Variants in MIA3 observed in about 807,000 individuals in gnomAD.
MIA3 encodes the protein transport and Golgi organization protein 1 homolog.
MIA3 carries 90 observed loss-of-function variants against 192.4 expected under a neutral mutation model. That is an observed-to-expected ratio of 0.47 (90% CI 0.39 to 0.56). MIA3 has a LOEUF of 0.56. Ranked by LOEUF, MIA3 falls within the 20% of genes least tolerant of loss-of-function variation. The probability of loss-of-function intolerance (pLI) is 0.00; values close to 1 mark genes in which losing one functional copy is unlikely to be tolerated. For missense variants in MIA3, 2,123 were observed against 2,269.4 expected, an observed-to-expected ratio of 0.94 and a Z score of 1.31; for synonymous variants, 740 against 792.8, an observed-to-expected ratio of 0.93 and a Z score of 1.12.
chr1:222,644,400 G>A, intron 6 of MIA3: 1 of 1,539,942 alleles, frequency 6.5e-7, no homozygotes, highest in Non-Finnish European at 8.8e-7. Context: ...CCTTTCCGGA[G>A]GAGGAAGCTC....
Position 222,618,180 on chromosome 1 carries a change from C to T in MIA3, c.70C>T (p.Leu24=). The T allele has an allele frequency of 6.7e-7, 1 of 1,503,026 alleles. No homozygotes were observed. 93.1% of individuals were successfully genotyped at this position (1,503,026 alleles called of 1,614,324 possible). A position where few individuals can be genotyped will look rare whatever the true frequency, so the allele number is the denominator to read the frequency against. ...GCTGCCCTGGCGGGTGCCGGGCCAGCTGGACCCCAGCACTGGCCGGCGGTT... is the reference window on the plus strand; with the variant it reads ...GCTGCCCTGGCGGGTGCCGGGCCAGTTGGACCCCAGCACTGGCCGGCGGTT... ...LRLPWRVPGQ[L]DPSTGRRFSE... Residue 24 remains leucine, a synonymous_variant, in exon 1 of 28, where the codon CTG becomes TTG. Transcript: ENST00000344922.
rs1664363256 is a variant in MIA3, at chr1:222,667,944, A to ACTT, written c.*2327_*2329dup. 1 of 152,220 alleles carries ACTT rather than the reference A, an allele frequency of 6.6e-6. No individual in the cohort carries two copies. Among genetic ancestry groups the ACTT allele is most frequent in the African/African-American group, 2.4e-5 (1 of 41,446 alleles). 9.4% of individuals were successfully genotyped at this position (152,220 alleles called of 1,614,324 possible). ...GTGGGATGTGGTATATTCTGTGTCAACTTCAAGATAATCACTCATTTTCTC... is the reference window on the plus strand; with the variant it reads ...GTGGGATGTGGTATATTCTGTGTCAACTTCTTCAAGATAATCACTCATTTTCTC... On this transcript the variant is annotated 3_prime_UTR_variant, in exon 28 of 28. Coordinates refer to ENST00000344922, the MANE Select transcript of MIA3 (RefSeq NM_198551.4).
chr1:222,632,660 C>T (rs1261367571), intron 5 of MIA3, among the ~76,000 whole-genome samples: 1 of 152,228 alleles, frequency 6.6e-6, no homozygotes, highest in Non-Finnish European at 1.5e-5. Flanking sequence ...GTGGAACCGG[C>T]AATCTGTGTT....
chr1:222,630,132 T>G lies in MIA3; in HGVS notation c.2912T>G (p.Met971Arg). Residue 971 changes from methionine to arginine, a missense_variant, in exon 4 of 28, where the codon ATG becomes AGG. By Grantham distance (91) the Met-to-Arg change is moderately conservative (BLOSUM62 -1). This residue lies in a region of MIA3 where 1,357 missense variants were observed against 1,396.1 expected (regional missense o/e 0.97). Coordinates refer to ENST00000344922, the MANE Select transcript of MIA3 (RefSeq NM_198551.4). ...CAGCAGGAGAGCCTGCCCTATAATA[T>G]GGAAAAAGTCCTAGATAAGGTCTTC... Reference protein sequence around the residue: ...SAQQESLPYNMEKVLDKVFRA... With the variant: ...SAQQESLPYNREKVLDKVFRA... 6.2e-7 allele frequency: 1 copy of G among 1,614,186 alleles called. No homozygotes were observed. Among genetic ancestry groups the G allele is most frequent in the Non-Finnish European group, 8.5e-7 (1 of 1,180,046 alleles).
At chr1:222,644,174 G>A in intron 6 of MIA3, 1 of 652,510 alleles carries the variant, frequency 1.5e-6, no homozygotes, top group Non-Finnish European at 2.1e-6. Flanking sequence ...TTTTTACTGG[G>A]ATTCTTCCGC....
chr1:222,665,863 T>A lies in MIA3; in HGVS notation c.*244T>A. 1 of 373,064 alleles carries A rather than the reference T, an allele frequency of 2.7e-6. No homozygotes were observed. The highest frequency in any genetic ancestry group is 4.7e-6 in the Non-Finnish European group (1 of 211,978). 23.1% of individuals were successfully genotyped at this position (373,064 alleles called of 1,614,324 possible). ...TTTGAAATGTGCAATAAAGAATACC[T>A]GTGTTTTAGCTAATGTAGCATATGT... On this transcript the variant is annotated 3_prime_UTR_variant, in exon 28 of 28. Transcript: ENST00000344922.
At chr1:222,653,394 A>G in intron 15 of MIA3, 55 bp downstream of exon 15, 1 of 1,100,390 alleles carries the variant, frequency 9.1e-7, no homozygotes, top group Non-Finnish European at 1.4e-6. Context: ...CTTTAAGTGC[A>G]CCAGTGCTAC....
intron 2 of MIA3, among the ~76,000 whole-genome samples, chr1:222,622,228 C>T (rs1661903764): frequency 6.6e-6 from 1 of 152,158 alleles, no homozygotes. Context: ...GCTATCAGAC[C>T]TGGCAATCAA....
chr1:222,665,291 A>G lies in MIA3; in HGVS notation c.5414-18A>G, dbSNP rs769269573. On this transcript the variant is annotated intron_variant, in intron 27 of 27. Coordinates refer to ENST00000344922, the MANE Select transcript of MIA3 (RefSeq NM_198551.4). ...ATACGTTCCTAGGAATTTACTGGAAATAATTTTTGTTTTCCAGGCCCTGGT... is the reference window on the plus strand; with the variant it reads ...ATACGTTCCTAGGAATTTACTGGAAGTAATTTTTGTTTTCCAGGCCCTGGT... The G allele has an allele frequency of 1.9e-6, 3 of 1,559,584 alleles. No individual in the cohort carries two copies. The highest frequency in any genetic ancestry group is 2.6e-6 in the Non-Finnish European group (3 of 1,152,950).
At chr1:222,648,443 G>A (rs1663257970) in intron 7 of MIA3, among the ~76,000 whole-genome samples, 1 of 152,124 alleles carries the variant, frequency 6.6e-6, no homozygotes, top group East Asian at 1.9e-4. Flanking sequence ...ATTTCTTTCT[G>A]GCTATTTGGA....
At chr1:222,623,096 G>A (rs774191916) in intron 2 of MIA3, among the ~76,000 whole-genome samples, 1 of 152,198 alleles carries the variant, frequency 6.6e-6, no homozygotes, top group Non-Finnish European at 1.5e-5. Flanking sequence ...TGACGAGGCA[G>A]TGGCATTTAT....
chr1:222,663,802 C>A (rs995538376), intron 26 of MIA3, among the ~76,000 whole-genome samples, 196 bp from the exon 27 acceptor site: 2 of 152,152 alleles, frequency 1.3e-5, no homozygotes, highest in Non-Finnish European at 2.9e-5. Flanking sequence ...AGCAAGTGTT[C>A]ACTCCTGTGG....
At chr1:222,637,591 C>T (rs935173752) in intron 6 of MIA3, among the ~76,000 whole-genome samples, 6 of 151,868 alleles carry the variant, frequency 4.0e-5, no homozygotes, top group African/African-American at 1.5e-4. Context: ...AAATGATGCC[C>T]AAAGGGTTTT....
rs781024527 is a variant in MIA3 at position 222,628,355 on chromosome 1, A to G, written c.1135A>G (p.Ile379Val). The change falls in exon 4 of 28, where the codon ATA (isoleucine) becomes GTA (valine). Residue 379 changes from isoleucine (I) to valine (V), a missense_variant. Ile to Val is a conservative substitution (Grantham distance 29). Coordinates refer to ENST00000344922, the MANE Select transcript of MIA3 (RefSeq NM_198551.4). ...TGGCATCAAAAATGATGATAAAAAT[A>G]TACTAACAACCTGGGGGGACACTAT... ...PPGIKNDDKN[I>V]LTTWGDTIFS... 1.5e-5 allele frequency: 24 copies of G among 1,613,690 alleles called. No homozygotes were observed. The South Asian group carries it at 2.3e-4, about 16-fold the overall frequency.
rs1664255821 is a variant in MIA3, at chr1:222,665,811, C to T, written c.*192C>T. 4.4e-6 allele frequency: 2 copies of T among 454,258 alleles called. No individual in the cohort carries two copies. Among genetic ancestry groups the T allele is most frequent in the Admixed American group, 4.2e-5 (1 of 23,618 alleles). 28.1% of individuals were successfully genotyped at this position (454,258 alleles called of 1,614,324 possible). ...TCATTTCTTCCCTAAATAAAAATCA[C>T]CTTTTAAGCTAGAGCGTCCTTACAA... On this transcript the variant is annotated 3_prime_UTR_variant, in exon 28 of 28. Coordinates refer to ENST00000344922, the MANE Select transcript of MIA3 (RefSeq NM_198551.4).
rs200348323 is a variant in MIA3 at position 222,628,756 on chromosome 1, G to C, written c.1536G>C (p.Lys512Asn). The C allele has an allele frequency of 8.1e-6, 13 of 1,614,082 alleles. No homozygotes were observed. The East Asian group carries it at 2.9e-4, about 36-fold the overall frequency. The change falls in exon 4 of 28, where the codon AAG becomes AAC. Residue 512 changes from lysine to asparagine, a missense_variant. Transcript: ENST00000344922. ...TCAACTCTATGCCAGCTGCTGAAAA[G>C]GGTAAAGACACATTAAAATCAGCTT... Reference protein sequence around the residue: ...NNLNSMPAAEKGKDTLKSAYD... With the variant: ...NNLNSMPAAENGKDTLKSAYD...
chr1:222,629,038 G>A lies in MIA3; in HGVS notation c.1818G>A (p.Leu606=). 6.2e-7 allele frequency: 1 copy of A among 1,614,182 alleles called. No homozygotes were observed. The highest frequency in any genetic ancestry group is 8.5e-7 in the Non-Finnish European group (1 of 1,180,030). The change falls in exon 4 of 28, where the codon CTG becomes CTA. Residue 606 remains leucine, a synonymous_variant. Transcript: ENST00000344922. ...ACGCTTTGGTAAATGGGGCCAAACTGCACACGCTTTCAGTGGAGCATCAAC... is the reference window on the plus strand; with the variant it reads ...ACGCTTTGGTAAATGGGGCCAAACTACACACGCTTTCAGTGGAGCATCAAC... ...EGDALVNGAK[L]HTLSVEHQRE... is the part of the protein sequence containing the mutation.
At chr1:222,638,369 T>C (rs1247413032) in intron 6 of MIA3, among the ~76,000 whole-genome samples, 1 of 152,064 alleles carries the variant, frequency 6.6e-6, no homozygotes, top group Non-Finnish European at 1.5e-5. Flanking sequence ...TCTTATGAGT[T>C]TAAAAGGAAA....
intron 6 of MIA3, chr1:222,644,388 G>C (rs1045865893): frequency 2.5e-5 from 39 of 1,532,354 alleles, no homozygotes; most frequent in Non-Finnish European, 3.3e-5. Context: ...CCTGAATTGG[G>C]GCCTTTCCGG....
Sources: gnomAD v4.1 joint callset for allele counts (sites outside exome capture counted in the v4.1 genomes callset) on GRCh38, gnomAD v4.1.1 for gene constraint, gnomAD v4.1.1 regional missense constraint, MANE v1.5 for transcripts, NCBI Gene and HGNC (gene_info 2026-07-23, HGNC 2026-07-21) for gene names.